GLIS3: variants seen among roughly 807,000 people sequenced by gnomAD.
The protein encoded by GLIS3 is zinc finger protein GLIS3.
A neutral mutation model predicts 78.6 loss-of-function variants in GLIS3; 53 were observed. The ratio of observed to expected loss-of-function variants is 0.67; its 90% CI spans 0.54 to 0.85. The LOEUF (loss-of-function observed/expected upper bound fraction) is 0.85, where lower values mean the gene tolerates loss of function less well. Among genes scored for constraint, GLIS3 ranks in the 40% least tolerant of loss-of-function variants. The pLI is 0.00. For synonymous variants in GLIS3, 684 were observed against 509.9 expected (o/e 1.34, Z -4.60); for missense variants, 1,703 against 1,231.1 (o/e 1.38, Z -5.74).
intron 2 of GLIS3, among the ~76,000 whole-genome samples, chr9:4,206,462 C>T (rs7033243): frequency 0.65 from 99,402 of 152,060 alleles, 34,297 homozygotes; most frequent in East Asian, 0.97. Flanking sequence ...AAAACTCAGA[C>T]GCCTATTAGC....
rs1366900919 is a variant in GLIS3, at chr9:3,977,706, A to G, written c.1711-40517T>C. On this transcript the variant is annotated intron_variant, in intron 4 of 10. Transcript: ENST00000381971. This position sits in a 1 kb window ranked among gnomAD's most constrained non-coding sequence, Gnocchi z 4.1. ...ATCATAGAGATGTTACTTTACTTTA[A>G]TAGTTCTTTTATACAAGTACATATT... Among the ~76,000 whole-genome samples the G allele has an allele frequency of 1.3e-5, 2 of 152,212 alleles. No individual in the cohort carries two copies. Among genetic ancestry groups the G allele is most frequent in the African/African-American group, 2.4e-5 (1 of 41,462 alleles).
chr9:4,370,278 T>C, the GLIS3 span, among the ~76,000 whole-genome samples: 1 of 151,648 alleles, frequency 6.6e-6, no homozygotes, highest in Non-Finnish European at 1.5e-5. Context: ...GGCCCTCCCC[T>C]TCCATGTGAC....
Position 4,119,049 on chromosome 9 carries a change from C to T in GLIS3, c.597-168G>A, listed in dbSNP as rs13301186. ...GGGCTAAGATAAAATCCAAGGCTTC[C>T]AGTTCCAGGTAAATAACATTTTACC... is the stretch of plus-strand genomic sequence containing the variant. On this transcript the variant is annotated intron_variant, in intron 3 of 10. Transcript: ENST00000381971. Among the ~76,000 whole-genome samples the T allele has an allele frequency of 0.3, 46,255 of 152,100 alleles. 7,190 individuals are homozygous for T. The highest frequency in any genetic ancestry group is 0.36 in the Admixed American group (5,437 of 15,286).
At chr9:3,959,043 T>C (rs1184102406) in intron 4 of GLIS3, among the ~76,000 whole-genome samples, 1 of 152,358 alleles carries the variant, frequency 6.6e-6, no homozygotes, top group East Asian at 1.9e-4. Context: ...TCTATGAATA[T>C]GGGCTTTTGC....
chr9:4,417,831 A>T, the GLIS3 span, among the ~76,000 whole-genome samples: 1 of 152,202 alleles, frequency 6.6e-6, no homozygotes, highest in African/African-American at 2.4e-5. Flanking sequence ...TTGTGACTTT[A>T]AAGTGAGTTT....
intron 2 of GLIS3, among the ~76,000 whole-genome samples, chr9:4,146,296 C>G (rs984672438): frequency 6.6e-6 from 1 of 152,148 alleles, no homozygotes; most frequent in Non-Finnish European, 1.5e-5. Context: ...CGTTGAATAT[C>G]TACTATAGTT....
At chr9:4,476,494 C>T in the GLIS3 span, among the ~76,000 whole-genome samples, 25 of 151,926 alleles carry the variant, frequency 1.6e-4, no homozygotes, top group Non-Finnish European at 2.2e-4. Context: ...CCCAAGTAGC[C>T]GGGATTACAG....
the GLIS3 span, among the ~76,000 whole-genome samples, chr9:4,465,414 T>A: frequency 6.6e-6 from 1 of 151,998 alleles, no homozygotes; most frequent in East Asian, 1.9e-4. Context: ...CCATGCATGG[T>A]GACACGCAAC....
intron 4 of GLIS3, among the ~76,000 whole-genome samples, chr9:4,113,425 G>T (rs1261651570): frequency 6.6e-6 from 1 of 152,082 alleles, no homozygotes; most frequent in Non-Finnish European, 1.5e-5. Flanking sequence ...CTCCAAAGTG[G>T]TTACACCAAT....
At chr9:3,922,994 C>T (rs1156585167) in intron 6 of GLIS3, among the ~76,000 whole-genome samples, 1 of 152,122 alleles carries the variant, frequency 6.6e-6, no homozygotes, top group Admixed American at 6.6e-5. Flanking sequence ...TAGTGGAAAG[C>T]CACTCCTAGA....
chr9:4,265,056 C>T (rs1415791826), intron 2 of GLIS3, among the ~76,000 whole-genome samples: 1 of 151,328 alleles, frequency 6.6e-6, no homozygotes, highest in Non-Finnish European at 1.5e-5. Flanking sequence ...CCTGTATTCC[C>T]AGCTACTCGG....
chr9:4,316,137 T>A (rs927989970), intron 2 of GLIS3, among the ~76,000 whole-genome samples: 1 of 152,182 alleles, frequency 6.6e-6, no homozygotes, highest in African/African-American at 2.4e-5. Flanking sequence ...CTAATGCCAC[T>A]GTCAGTCTAT....
chr9:3,873,852 T>A (rs1159545578), intron 8 of GLIS3, among the ~76,000 whole-genome samples: 2 of 152,216 alleles, frequency 1.3e-5, no homozygotes, highest in African/African-American at 4.8e-5. Context: ...AAAACTGGCA[T>A]TCCTTATTTG....
At chr9:4,145,522 G>A (rs1586802229) in intron 2 of GLIS3, among the ~76,000 whole-genome samples, 1 of 152,022 alleles carries the variant, frequency 6.6e-6, no homozygotes, top group South Asian at 2.1e-4. Flanking sequence ...ACAGGATATC[G>A]CAACACACAG....
chr9:4,062,771 C>A (rs1160061043), intron 4 of GLIS3, among the ~76,000 whole-genome samples: 1 of 151,516 alleles, frequency 6.6e-6, no homozygotes, highest in Admixed American at 6.6e-5. Context: ...ACTAAAAATA[C>A]AAAAAAAATT....
the GLIS3 span, among the ~76,000 whole-genome samples, chr9:4,469,824 C>CA: frequency 6.6e-6 from 1 of 151,856 alleles, no homozygotes; most frequent in East Asian, 1.9e-4. Flanking sequence ...AAAATCCCTT[C>CA]AAAAAATCAA....
chr9:4,334,904 CTTTTTTT>C (rs56017714), intron 2 of GLIS3, among the ~76,000 whole-genome samples: 7 of 107,020 alleles, frequency 6.5e-5, no homozygotes, highest in East Asian at 3.0e-4. Context: ...TCATTTCCAC[CTTTTTTT>C]TTTTTTTTTT....
intron 2 of GLIS3, among the ~76,000 whole-genome samples, chr9:4,191,240 A>G (rs1818306602): frequency 6.6e-6 from 1 of 151,946 alleles, no homozygotes; most frequent in African/African-American, 2.4e-5. Flanking sequence ...CAGACTGGCA[A>G]ATTGTATGAA....
At chr9:4,373,473 A>G in the GLIS3 span, among the ~76,000 whole-genome samples, 4 of 152,164 alleles carry the variant, frequency 2.6e-5, no homozygotes, top group African/African-American at 7.2e-5. Context: ...TGGGGAACAA[A>G]CTGCTCTGGG....
Sources: allele counts gnomAD v4.1 joint callset (sites outside exome capture counted in the v4.1 genomes callset), GRCh38; gene constraint gnomAD v4.1.1; non-coding constraint Gnocchi (gnomAD v3.1); transcripts MANE v1.5; gene names NCBI Gene and HGNC (gene_info 2026-07-23, HGNC 2026-07-21).